ZNF804B: variants seen among roughly 807,000 people sequenced by gnomAD.
ZNF804B encodes the protein zinc finger protein 804B, also known as zinc finger 804B.
ZNF804B carries 80 observed loss-of-function variants against 101.4 expected under a neutral mutation model. The observed-to-expected ratio is 0.79, with a 90% confidence interval of 0.66 to 0.95. The LOEUF is 0.95. Among genes scored for constraint, ZNF804B ranks in the 40% least tolerant of loss-of-function variants. The pLI, the probability that ZNF804B is intolerant of heterozygous loss-of-function variation, is 0.00. For missense variants in ZNF804B, 1,673 were observed against 1,561.9 expected (o/e 1.07, Z -1.20); for synonymous variants, 622 against 558.8 (o/e 1.11, Z -1.59).
At chr7:89,318,316 CTT>C (rs1244137307) in intron 2 of ZNF804B, among the ~76,000 whole-genome samples, 3 of 152,244 alleles carry the variant, frequency 2.0e-5, no homozygotes, top group African/African-American at 7.2e-5. Flanking sequence ...GATTTTCTCT[CTT>C]TTGCTTTTTT....
chr7:89,257,265 C>T (rs1789646374), intron 2 of ZNF804B, among the ~76,000 whole-genome samples: 3 of 152,056 alleles, frequency 2.0e-5, no homozygotes, highest in Admixed American at 1.3e-4. Flanking sequence ...AGAGATTATC[C>T]TTCCACGAAT....
intron 1 of ZNF804B, among the ~76,000 whole-genome samples, chr7:89,083,069 T>G (rs1221657503): frequency 6.6e-6 from 1 of 151,846 alleles, no homozygotes; most frequent in East Asian, 1.9e-4. Flanking sequence ...TTTGTAAATG[T>G]CCTTTGAAGT....
intron 1 of ZNF804B, among the ~76,000 whole-genome samples, chr7:89,124,747 G>A (rs1221696129): frequency 6.6e-6 from 1 of 152,154 alleles, no homozygotes; most frequent in Admixed American, 6.6e-5. Flanking sequence ...GGTCAATAGA[G>A]ACTTGTGGTT....
chr7:89,305,505 A>G (rs963993538), intron 2 of ZNF804B, among the ~76,000 whole-genome samples: 1 of 151,980 alleles, frequency 6.6e-6, no homozygotes, highest in Non-Finnish European at 1.5e-5. Flanking sequence ...CAAGGTAATT[A>G]GGTGTTCTTC....
chr7:89,205,174 T>A (rs891259081), intron 1 of ZNF804B, among the ~76,000 whole-genome samples: 9 of 152,126 alleles, frequency 5.9e-5, no homozygotes, highest in African/African-American at 2.2e-4. Context: ...CCTCCATGAT[T>A]CAATCACCTC....
chr7:88,987,638 T>C (rs1793777548), intron 1 of ZNF804B, among the ~76,000 whole-genome samples: 1 of 152,088 alleles, frequency 6.6e-6, no homozygotes, highest in South Asian at 2.1e-4. Context: ...TAGGAATAGA[T>C]AATGATACAT....
chr7:88,879,954 G>T (rs1378392488), intron 1 of ZNF804B, among the ~76,000 whole-genome samples: 1 of 152,012 alleles, frequency 6.6e-6, no homozygotes, highest in Non-Finnish European at 1.5e-5. Flanking sequence ...CAGGAGAATT[G>T]CTTGAGCCCA....
chr7:89,265,265 AGTGTGTGT>A (rs71102029), intron 2 of ZNF804B, among the ~76,000 whole-genome samples: 103 of 145,218 alleles, frequency 7.1e-4, no homozygotes, highest in African/African-American at 1.7e-3. Flanking sequence ...AGGTTAAGTC[AGTGTGTGT>A]GTGTGTGTGT....
chr7:89,299,636 C>T (rs990436920), intron 2 of ZNF804B, among the ~76,000 whole-genome samples: 2 of 152,042 alleles, frequency 1.3e-5, no homozygotes, highest in Non-Finnish European at 2.9e-5. Context: ...GCAATTTACT[C>T]ACTTTGGGAA....
intron 1 of ZNF804B, among the ~76,000 whole-genome samples, chr7:89,143,555 A>T (rs572807784): frequency 6.6e-6 from 1 of 152,026 alleles, no homozygotes; most frequent in Non-Finnish European, 1.5e-5. Context: ...TTTAAAATGA[A>T]TTATCTATTT....
intron 1 of ZNF804B, among the ~76,000 whole-genome samples, chr7:89,160,730 T>C (rs1412286998): frequency 6.6e-6 from 1 of 152,112 alleles, no homozygotes; most frequent in Non-Finnish European, 1.5e-5. Context: ...TATTATTATA[T>C]CTCCTAAAAT....
At chr7:88,969,567 AAC>A (rs141122569) in intron 1 of ZNF804B, among the ~76,000 whole-genome samples, 2,567 of 151,716 alleles carry the variant, frequency 0.017, 31 homozygotes, top group South Asian at 0.029. Context: ...ATTCTAGAAA[AAC>A]AAGAGAGAGG....
chr7:88,992,694 C>G (rs560093528), intron 1 of ZNF804B, among the ~76,000 whole-genome samples: 1 of 152,044 alleles, frequency 6.6e-6, no homozygotes, highest in African/African-American at 2.4e-5. Context: ...TCTACAAAAT[C>G]TTTTTGTTAC....
At chr7:89,213,276 C>G (rs1788833126) in intron 1 of ZNF804B, among the ~76,000 whole-genome samples, 1 of 152,146 alleles carries the variant, frequency 6.6e-6, no homozygotes, top group African/African-American at 2.4e-5. Context: ...AAAATTCACT[C>G]TCTTTGAAGT....
intron 2 of ZNF804B, among the ~76,000 whole-genome samples, chr7:89,295,954 C>T (rs554450768): frequency 2.0e-4 from 30 of 152,138 alleles, no homozygotes; most frequent in Admixed American, 1.5e-3. Flanking sequence ...GCTTTGAATA[C>T]GCAAAGGCAT....
chr7:89,124,782 G>A (rs2116371168), intron 1 of ZNF804B, among the ~76,000 whole-genome samples: 1 of 152,174 alleles, frequency 6.6e-6, no homozygotes. Context: ...ATGCAGTAGA[G>A]GATCTTGTTG....
chr7:88,783,859 G>T (rs925803710), intron 1 of ZNF804B, among the ~76,000 whole-genome samples: 17 of 152,102 alleles, frequency 1.1e-4, no homozygotes, highest in Non-Finnish European at 2.2e-4. Flanking sequence ...GGTCATTTTG[G>T]TTGAAATGCT....
Position 88,875,944 on chromosome 7 carries a change from T to G in ZNF804B, c.108+115860T>G, listed in dbSNP as rs1489553211. On this transcript the variant is annotated intron_variant, in intron 1 of 3. Coordinates refer to ENST00000333190, the MANE Select transcript of ZNF804B (RefSeq NM_181646.5). ...CTGGCAAACCAAATCCAGCAGCACATCAAAAAGCTTATCCACTGTGAGCAA... is the reference window on the plus strand; with the variant it reads ...CTGGCAAACCAAATCCAGCAGCACAGCAAAAAGCTTATCCACTGTGAGCAA... Among the ~76,000 whole-genome samples, 4 of 152,090 alleles carry G rather than the reference T, an allele frequency of 2.6e-5. No homozygotes were observed. In the East Asian group the frequency reaches 7.7e-4, roughly 29 times the overall value.
chr7:88,987,927 C>G (rs1426273752), intron 1 of ZNF804B, among the ~76,000 whole-genome samples: 1 of 151,970 alleles, frequency 6.6e-6, no homozygotes, highest in Non-Finnish European at 1.5e-5. Flanking sequence ...TCTTCCCAGC[C>G]TCTGGTAACC....
Sources: gnomAD v4.1 joint callset for allele counts (sites outside exome capture counted in the v4.1 genomes callset) on GRCh38, gnomAD v4.1.1 for gene constraint, MANE v1.5 for transcripts, NCBI Gene and HGNC (gene_info 2026-07-23, HGNC 2026-07-21) for gene names.